Variants in MSRA observed in about 807,000 individuals in gnomAD.
MSRA encodes the protein methionine sulfoxide reductase A.
In MSRA, 54 loss-of-function variants were observed where a neutral mutation model predicts 31.3. The observed-to-expected ratio is 1.73, with a 90% CI of 1.39 to 2.17. The LOEUF is 2.17. MSRA is among the 30% of genes most tolerant of loss of function. The probability of loss-of-function intolerance (pLI) is 0.00; values close to 1 mark genes in which losing one functional copy is unlikely to be tolerated. For missense variants in MSRA, 507 were observed against 300.9 expected (o/e 1.69, Z -5.07); for synonymous variants, 169 against 116.5 (o/e 1.45, Z -2.90).
chr8:10,160,332 A>G (rs1804523857), intron 1 of MSRA, among the ~76,000 whole-genome samples: 1 of 151,976 alleles, frequency 6.6e-6, no homozygotes, highest in Non-Finnish European at 1.5e-5. Context: ...CGTCTCTACT[A>G]AAAACACAAA....
chr8:10,168,594 T>C (rs1805341820), intron 1 of MSRA, among the ~76,000 whole-genome samples: 1 of 152,100 alleles, frequency 6.6e-6, no homozygotes. Context: ...CGATAATGAG[T>C]TGTAGTCTAT....
intron 5 of MSRA, among the ~76,000 whole-genome samples, chr8:10,417,571 C>A (rs1246705546): frequency 1.3e-5 from 2 of 152,126 alleles, no homozygotes; most frequent in African/African-American, 4.8e-5. Context: ...GCCAGAGATG[C>A]AGGAGCCTCT....
intron 2 of MSRA, among the ~76,000 whole-genome samples, chr8:10,236,387 A>G (rs1811941626): frequency 6.6e-6 from 1 of 152,250 alleles, no homozygotes; most frequent in Non-Finnish European, 1.5e-5. Flanking sequence ...TAGAACTAAT[A>G]GAATTCTCTA....
rs950002770 is a variant in MSRA at position 10,410,927 on chromosome 8, G to A, written c.544-17221G>A. 3.3e-5 allele frequency among the ~76,000 whole-genome samples: 5 copies of A among 152,026 alleles called. No individual in the cohort carries two copies. In the East Asian group the frequency reaches 9.6e-4, roughly 29 times the overall value. On this transcript the variant is annotated intron_variant, in intron 5 of 5. Transcript: ENST00000317173. ...TGACAAAAAGGAAAATTATGCTTTG[G>A]CAAAGAACACCTATGGCCTATTTTG...
chr8:10,078,444 G>A (rs1277471335), intron 1 of MSRA, among the ~76,000 whole-genome samples: 3 of 152,236 alleles, frequency 2.0e-5, no homozygotes, highest in African/African-American at 7.2e-5. Context: ...CCGTTCACAT[G>A]GTTGCTGTGG....
At chr8:10,383,623 C>T (rs568896362) in intron 5 of MSRA, among the ~76,000 whole-genome samples, 1 of 152,104 alleles carries the variant, frequency 6.6e-6, no homozygotes, top group South Asian at 2.1e-4. Flanking sequence ...TATTAGACAC[C>T]TTGAAGTGAA....
intron 5 of MSRA, among the ~76,000 whole-genome samples, chr8:10,418,181 C>G (rs1163958590): frequency 1.3e-5 from 2 of 152,160 alleles, no homozygotes; most frequent in African/African-American, 4.8e-5. Context: ...GAAAACCTAA[C>G]ACTTAAGGCT....
At chr8:10,387,841 C>T (rs1034780693) in intron 5 of MSRA, among the ~76,000 whole-genome samples, 4 of 152,100 alleles carry the variant, frequency 2.6e-5, no homozygotes, top group African/African-American at 9.7e-5. Context: ...TTTGTTTCTT[C>T]TTCACTTCTG....
At chr8:10,212,425 A>G (rs1322175037) in intron 2 of MSRA, among the ~76,000 whole-genome samples, 1 of 152,202 alleles carries the variant, frequency 6.6e-6, no homozygotes, top group Non-Finnish European at 1.5e-5. Flanking sequence ...GAAATGGAAA[A>G]ATAATGAACT....
intron 1 of MSRA, among the ~76,000 whole-genome samples, chr8:10,157,184 T>C (rs1239236029): frequency 6.6e-6 from 1 of 152,156 alleles, no homozygotes; most frequent in African/African-American, 2.4e-5. Context: ...ACATAGTTTC[T>C]AATGGGATTA....
chr8:10,387,200 T>A (rs1201051009), intron 5 of MSRA, among the ~76,000 whole-genome samples: 1 of 152,196 alleles, frequency 6.6e-6, no homozygotes, highest in Admixed American at 6.5e-5. Flanking sequence ...ATTTAACCTC[T>A]CTCCACCTCC....
intron 1 of MSRA, among the ~76,000 whole-genome samples, chr8:10,199,473 C>G (rs1808306380): frequency 6.6e-6 from 1 of 152,182 alleles, no homozygotes. Context: ...ATGCGCGCCA[C>G]CGTGCCCTGC....
At chr8:10,229,956 T>G (rs1811327383) in intron 2 of MSRA, among the ~76,000 whole-genome samples, 1 of 152,210 alleles carries the variant, frequency 6.6e-6, no homozygotes, top group Non-Finnish European at 1.5e-5. Context: ...TGGGCTGAAT[T>G]CTCCATAAAC....
At chr8:10,373,496 G>T (rs117724433) in intron 5 of MSRA, among the ~76,000 whole-genome samples, 4,378 of 152,330 alleles carry the variant, frequency 0.029, 97 homozygotes, top group Non-Finnish European at 0.05. Context: ...CTTGGCCTCC[G>T]AAAGTGCTGG....
chr8:10,213,176 C>T (rs1585183466), intron 2 of MSRA, among the ~76,000 whole-genome samples: 2 of 152,272 alleles, frequency 1.3e-5, no homozygotes, highest in Admixed American at 1.3e-4. Context: ...ACGATCCCCA[C>T]CTTCTCCTGT....
chr8:10,380,728 A>G (rs1211836896), intron 5 of MSRA, among the ~76,000 whole-genome samples: 3 of 152,162 alleles, frequency 2.0e-5, no homozygotes, highest in Non-Finnish European at 2.9e-5. Flanking sequence ...GACTGGAGAG[A>G]TGGATGGAAG....
At chr8:10,111,011 G>A (rs1248461188) in intron 1 of MSRA, among the ~76,000 whole-genome samples, 4 of 152,182 alleles carry the variant, frequency 2.6e-5, no homozygotes, top group Non-Finnish European at 5.9e-5. Flanking sequence ...TGTCTGACAA[G>A]TGTGGAACCA....
chr8:10,375,202 A>C (rs1053991800), intron 5 of MSRA, among the ~76,000 whole-genome samples: 1 of 152,110 alleles, frequency 6.6e-6, no homozygotes, highest in South Asian at 2.1e-4. Context: ...ACTTATTCCT[A>C]TCTTTTTTGC....
intron 4 of MSRA, among the ~76,000 whole-genome samples, chr8:10,312,542 C>T (rs998997294): frequency 1.3e-5 from 2 of 152,188 alleles, no homozygotes; most frequent in Non-Finnish European, 2.9e-5. Context: ...GAGAGAGATG[C>T]AGTCCATCTT....
Sources: gnomAD v4.1 joint callset for allele counts (sites outside exome capture counted in the v4.1 genomes callset) on GRCh38, gnomAD v4.1.1 for gene constraint, MANE v1.5 for transcripts, NCBI Gene and HGNC (gene_info 2026-07-23, HGNC 2026-07-21) for gene names.